The following FRMPD4 variants were observed in gnomAD, a reference collection of about 807,000 sequenced individuals.
The protein encoded by FRMPD4 is FERM and PDZ domain-containing protein 4.
Under a neutral mutation model 94.1 loss-of-function variants are expected in FRMPD4, and 22 were observed. That is an observed-to-expected ratio of 0.23 (90% CI 0.17 to 0.33). FRMPD4 has a LOEUF of 0.33. Ranked by LOEUF, FRMPD4 falls within the 10% of genes least tolerant of loss-of-function variation. The pLI, the probability that FRMPD4 is intolerant of heterozygous loss-of-function variation, is 1.00. For synonymous variants in FRMPD4, 631 were observed against 548.6 expected (o/e 1.15, Z -2.10); for missense variants, 1,111 against 1,339.9 (o/e 0.83, Z 2.67).
intron 3 of FRMPD4, among the ~76,000 whole-genome samples, chrX:11,969,801 T>G (rs942110603): frequency 8.9e-6 from 1 of 112,057 alleles, no homozygotes; most frequent in African/African-American, 3.2e-5. Flanking sequence ...GCATTCATTC[T>G]TATATCTCTC....
chrX:12,305,069 C>T (rs943113102), intron 1 of FRMPD4, among the ~76,000 whole-genome samples: 15 of 112,227 alleles, frequency 1.3e-4, no homozygotes, highest in Non-Finnish European at 3.8e-5. Context: ...AATAGGGAAA[C>T]AGTTCTTATG....
intron 4 of FRMPD4, among the ~76,000 whole-genome samples, chrX:12,637,923 T>C (rs1470868486): frequency 8.9e-6 from 1 of 112,443 alleles, no homozygotes; most frequent in Non-Finnish European, 1.9e-5. Flanking sequence ...TTATGAATAC[T>C]ATTTACATGA....
At chrX:11,995,038 A>G (rs2054489296) in intron 3 of FRMPD4, among the ~76,000 whole-genome samples, 1 of 110,101 alleles carries the variant, frequency 9.1e-6, no homozygotes, top group Non-Finnish European at 1.9e-5. Context: ...AAGGCTCTAA[A>G]ATACTTGCAA....
chrX:11,906,963 C>A (rs2053971378), intron 3 of FRMPD4, among the ~76,000 whole-genome samples: 1 of 110,654 alleles, frequency 9.0e-6, no homozygotes, highest in East Asian at 2.8e-4. Context: ...TTTACTGATT[C>A]TTCTGTCTTC....
chrX:12,554,944 G>C (rs1166030168), intron 2 of FRMPD4, among the ~76,000 whole-genome samples: 2 of 111,132 alleles, frequency 1.8e-5, no homozygotes, highest in African/African-American at 6.5e-5. Flanking sequence ...AGGCAGTTAA[G>C]AATGTCGGAA....
chrX:12,209,043 G>A (rs928085926), intron 1 of FRMPD4, among the ~76,000 whole-genome samples: 3 of 111,580 alleles, frequency 2.7e-5, no homozygotes, highest in African/African-American at 6.5e-5. Context: ...TGAGATTAAC[G>A]ATCACATTAT....
At chrX:12,504,172 T>C (rs1437487865) in intron 2 of FRMPD4, among the ~76,000 whole-genome samples, 1 of 112,623 alleles carries the variant, frequency 8.9e-6, no homozygotes, top group Non-Finnish European at 1.9e-5. Context: ...AAATTAACAG[T>C]TGTGCCCATG....
At position 11,981,173 on chromosome X, in the gene FRMPD4, A is replaced by C. The variant is rs1172766076; in HGVS notation, c.95+103155A>C. 1.2e-4 allele frequency among the ~76,000 whole-genome samples: 13 copies of C among 111,931 alleles called. No individual in the cohort carries two copies. The Admixed American group carries it at 1.2e-3, about 11-fold the overall frequency. On this transcript the variant is annotated intron_variant, in intron 3 of 18. Coordinates refer to the FRMPD4 transcript ENST00000640291. ...ATGATCCTAGCATGGATACATTCAA[A>C]TTTTCTAAGTGTATTTTCCAATTAT...
chrX:11,890,330 A>G (rs769714250), intron 3 of FRMPD4, among the ~76,000 whole-genome samples: 1 of 111,404 alleles, frequency 9.0e-6, no homozygotes, highest in Non-Finnish European at 1.9e-5. Context: ...CTCGGACCCC[A>G]CTCAGGACAT....
At chrX:11,920,205 C>T (rs1269418134) in intron 3 of FRMPD4, among the ~76,000 whole-genome samples, 1 of 111,983 alleles carries the variant, frequency 8.9e-6, no homozygotes, top group Non-Finnish European at 1.9e-5. Context: ...AAAAGCCCAA[C>T]ATTTTTTCAT....
At chrX:12,402,780 C>G (rs1393570672) in intron 1 of FRMPD4, among the ~76,000 whole-genome samples, 2 of 111,801 alleles carry the variant, frequency 1.8e-5, no homozygotes, top group Non-Finnish European at 3.8e-5. Flanking sequence ...CTTTATTGCC[C>G]TTCTCTGCCT....
At chrX:11,879,314 T>G (rs897475131) in intron 3 of FRMPD4, among the ~76,000 whole-genome samples, 2 of 112,033 alleles carry the variant, frequency 1.8e-5, no homozygotes, top group African/African-American at 6.5e-5. Flanking sequence ...AAGTCATCAC[T>G]TAAGACATAG....
At chrX:11,915,251 T>A (rs5979485) in intron 3 of FRMPD4, among the ~76,000 whole-genome samples, 4,089 of 112,415 alleles carry the variant, frequency 0.036, 109 homozygotes, top group African/African-American at 0.094. Context: ...GAGCTTTTAG[T>A]ATGGAAGGGT....
intron 3 of FRMPD4, among the ~76,000 whole-genome samples, chrX:12,120,114 G>A (rs1193911052): frequency 1.8e-5 from 2 of 112,400 alleles, no homozygotes; most frequent in Non-Finnish European, 1.9e-5. Flanking sequence ...TGAATTAAGT[G>A]TAAAAGCTAA....
chrX:12,494,579 CAA>C (rs1175005250), intron 1 of FRMPD4, among the ~76,000 whole-genome samples: 2 of 111,417 alleles, frequency 1.8e-5, no homozygotes, highest in South Asian at 3.9e-4. Context: ...TAAGGAAACT[CAA>C]ATACCAAAGA....
At chrX:12,665,193 A>G (rs2059762624) in intron 4 of FRMPD4, among the ~76,000 whole-genome samples, 1 of 111,961 alleles carries the variant, frequency 8.9e-6, no homozygotes, top group Non-Finnish European at 1.9e-5. Context: ...CTGTAATCCC[A>G]GCACTTTGGG....
At chrX:12,425,834 T>C (rs1337341407) in intron 1 of FRMPD4, among the ~76,000 whole-genome samples, 2 of 112,159 alleles carry the variant, frequency 1.8e-5, no homozygotes, top group Non-Finnish European at 3.8e-5. Context: ...TTTACTATTC[T>C]TAAATTCTAC....
chrX:12,613,177 T>C (rs1299571556), intron 3 of FRMPD4, among the ~76,000 whole-genome samples: 2 of 112,399 alleles, frequency 1.8e-5, no homozygotes, highest in East Asian at 5.5e-4. Context: ...ACCGTATCAA[T>C]ATTTGGGAGG....
At chrX:12,116,388 T>G (rs1241617574) in intron 3 of FRMPD4, among the ~76,000 whole-genome samples, 1 of 112,429 alleles carries the variant, frequency 8.9e-6, no homozygotes, top group Admixed American at 9.4e-5. Context: ...CCCATGCTCC[T>G]GAGACTTTTA....
Sources: gnomAD v4.1 joint callset for allele counts (sites outside exome capture counted in the v4.1 genomes callset) on GRCh38, gnomAD v4.1.1 for gene constraint, MANE v1.5 for transcripts, NCBI Gene and HGNC (gene_info 2026-07-23, HGNC 2026-07-21) for gene names.